The following FAM83G variants were observed in gnomAD, a reference collection of about 807,000 sequenced individuals.
FAM83G encodes scaffolding CK1 anchoring protein G.
In FAM83G, 38 loss-of-function variants were observed where a neutral mutation model predicts 61.5. The ratio of observed to expected loss-of-function variants is 0.62; its 90% CI spans 0.48 to 0.81. The LOEUF is 0.81. FAM83G is among the 30% of genes least tolerant of loss of function. FAM83G has a pLI of 0.00. For synonymous variants in FAM83G, 470 were observed against 476.1 expected (o/e 0.99, Z 0.17); for missense variants, 989 against 1,133.6 (o/e 0.87, Z 1.83).
chr17:18,992,051 C>T (rs898732970), intron 2 of FAM83G, among the ~76,000 whole-genome samples: 5 of 152,096 alleles, frequency 3.3e-5, no homozygotes, highest in African/African-American at 1.2e-4. Flanking sequence ...AGCGAGCCTG[C>T]GCCTGCCCCA....
chr17:18,983,939 G>A (rs561484472), intron 3 of FAM83G, among the ~76,000 whole-genome samples: 125 of 152,336 alleles, frequency 8.2e-4, no homozygotes, highest in African/African-American at 3.0e-3. Flanking sequence ...GTCCCCGGCA[G>A]TGTAGGATGT....
In FAM83G at chr17:18,978,397, G is replaced by T. The variant is rs746619261; in HGVS notation, c.1269C>A (p.Ser423Arg). The change falls in exon 5 of 6, where the codon AGC becomes AGA. Residue 423 changes from serine (S) to arginine (R), a missense_variant. Ser to Arg is a moderately radical substitution (Grantham distance 110). This residue lies in a region of FAM83G where 574 missense variants were observed against 645.1 expected (regional missense o/e 0.89). Coordinates refer to ENST00000388995, the MANE Select transcript of FAM83G (RefSeq NM_001039999.3). Reference protein sequence around the residue: ...TWVEPDPEPGSDILGYINIID... With the variant: ...TWVEPDPEPGRDILGYINIID... Reference sequence around the variant, plus strand: ...TGATATTGATGTAGCCCAGGATGTCGCTGCCAGGCTCCGGGTCTGGCTCCA... The same window carrying T: ...TGATATTGATGTAGCCCAGGATGTCTCTGCCAGGCTCCGGGTCTGGCTCCA... The T allele has an allele frequency of 6.9e-6, 11 of 1,590,048 alleles. No individual in the cohort carries two copies. In the East Asian group the frequency reaches 2.5e-4, roughly 36 times the overall value.
chr17:18,979,294 G>T (rs1046771386), intron 4 of FAM83G: 1 of 532,032 alleles, frequency 1.9e-6, no homozygotes, highest in Non-Finnish European at 3.3e-6. Context: ...CCATAGGCTT[G>T]CGAAGGCACG....
intron 2 of FAM83G, among the ~76,000 whole-genome samples, chr17:18,989,626 G>A (rs183565912): frequency 1.6e-4 from 25 of 152,338 alleles, no homozygotes; most frequent in Middle Eastern, 3.4e-3. Context: ...CCTGAATACC[G>A]CAGCACCTGC....
At chr17:18,981,294 G>A (rs1051705159) in intron 3 of FAM83G, among the ~76,000 whole-genome samples, 3 of 152,268 alleles carry the variant, frequency 2.0e-5, no homozygotes, top group Non-Finnish European at 4.4e-5. Flanking sequence ...AGGCATGAGA[G>A]GCCTTTGTAC....
Position 18,969,191 on chromosome 17 carries a change from G to T in FAM83G, c.*2168C>A, listed in dbSNP as rs548887367. ...CCTGCAGCAGGGAGGTCCACCCAGG[G>T]GACGTGTAAAGGGGTCAGAAGGCCA... On this transcript the variant is annotated 3_prime_UTR_variant, in exon 6 of 6. Transcript: ENST00000388995. 1 of 1,608,466 alleles carries T rather than the reference G, an allele frequency of 6.2e-7. No individual in the cohort carries two copies. The highest frequency in any genetic ancestry group is 8.5e-7 in the Non-Finnish European group (1 of 1,176,934).
chr17:18,989,611 G>A (rs1400748004), intron 2 of FAM83G, among the ~76,000 whole-genome samples: 1 of 152,244 alleles, frequency 6.6e-6, no homozygotes, highest in African/African-American at 2.4e-5. Flanking sequence ...GGAGAATGGA[G>A]CACACCTGAA....
intron 2 of FAM83G, among the ~76,000 whole-genome samples, chr17:18,997,824 G>C (rs1338903648): frequency 6.6e-6 from 1 of 152,234 alleles, no homozygotes; most frequent in African/African-American, 2.4e-5. Flanking sequence ...GGCGAGGGGA[G>C]AGATCTGGCA....
chr17:18,979,135 T>TG lies in FAM83G; in HGVS notation c.816-286dup, dbSNP rs2043064240. On this transcript the variant is annotated intron_variant, in intron 4 of 5. Coordinates refer to ENST00000388995, the MANE Select transcript of FAM83G (RefSeq NM_001039999.3). ...CAGCTCAGGAAGGCCCTGGACACTG[T>TG]GGGGGGTTCTGCATGTGGTGGCCGC... 9.6e-6 allele frequency: 5 copies of TG among 518,482 alleles called. No individual in the cohort carries two copies. In the Admixed American group the frequency reaches 1.6e-4, roughly 17 times the overall value. 32.1% of individuals were successfully genotyped at this position (518,482 alleles called of 1,614,324 possible).
chr17:18,979,004 T>C lies in FAM83G; in HGVS notation c.816-154A>G, dbSNP rs1210590640. The C allele has an allele frequency of 6.2e-6, 5 of 811,622 alleles. No individual in the cohort carries two copies. The African/African-American group carries it at 6.9e-5, about 11-fold the overall frequency. 50.3% of individuals were successfully genotyped at this position (811,622 alleles called of 1,614,324 possible). On this transcript the variant is annotated intron_variant, in intron 4 of 5. Transcript: ENST00000388995. ...CAGAGAGCAGGTGCATACTGTGGGG[T>C]CAGACTGAGTCGGATGTCAAGCAAG...
intron 3 of FAM83G, 139 bp from the exon 4 acceptor site, chr17:18,979,812 G>T: frequency 1.0e-6 from 1 of 955,300 alleles, no homozygotes. Context: ...AAGGCCTGGA[G>T]AAAGGGGCTG....
Position 18,982,016 on chromosome 17 carries a change from C to T in FAM83G, c.691-2343G>A, listed in dbSNP as rs574082874. 2.2e-3 allele frequency among the ~76,000 whole-genome samples: 336 copies of T among 152,342 alleles called. 4 individuals are homozygous for T. The highest frequency in any genetic ancestry group is 3.7e-3 in the Non-Finnish European group (249 of 68,012). Reference sequence around the variant, plus strand: ...CCCCTCCTTAGCCTGGAAAATCGGCCGCCAGCATCAGGACCCTTCTGGACA... The same window carrying T: ...CCCCTCCTTAGCCTGGAAAATCGGCTGCCAGCATCAGGACCCTTCTGGACA... On this transcript the variant is annotated intron_variant, in intron 3 of 5. Coordinates refer to ENST00000388995, the MANE Select transcript of FAM83G (RefSeq NM_001039999.3).
chr17:18,978,575 G>A lies in FAM83G; in HGVS notation c.1091C>T (p.Ser364Phe), dbSNP rs1320196691. Reference sequence around the variant, plus strand: ...CTTCTTGGCCTCCTGCTTCTCAGAGGAGATCTTGGCAATCTCGTCGACGCT... The same window carrying A: ...CTTCTTGGCCTCCTGCTTCTCAGAGAAGATCTTGGCAATCTCGTCGACGCT... ...AKSVDEIAKI[S>F]SEKQEAKKPL... The change falls in exon 5 of 6, where the codon TCC becomes TTC. Residue 364 changes from serine (S) to phenylalanine (F), a missense_variant. Transcript: ENST00000388995. The A allele has an allele frequency of 1.2e-6, 2 of 1,613,268 alleles. No homozygotes were observed. The highest frequency in any genetic ancestry group is 2.2e-5 in the South Asian group (2 of 91,076).
intron 3 of FAM83G, among the ~76,000 whole-genome samples, chr17:18,981,925 C>T (rs181793976): frequency 2.0e-5 from 3 of 152,328 alleles, no homozygotes; most frequent in Admixed American, 6.5e-5. Context: ...ACGAGGCCTT[C>T]CCTGTCACTG....
rs777843624 is a variant in FAM83G, at chr17:18,978,825, C to G, written c.841G>C (p.Asp281His). Residue 281 changes from aspartate to histidine, a missense_variant, in exon 5 of 6, where the codon GAC becomes CAC. Around this residue, in one of 3 missense-constraint regions of FAM83G, gnomAD observed 371 missense variants for 404.5 expected, o/e 0.92. Transcript: ENST00000388995. ...GACAGCACAGAGATCACATTCCGGT[C>G]CGTCCGCGCGGCCGACCACGTGAAG... Reference protein sequence around the residue: ...YSFTWSAARTDRNVISVLSGQ... With the variant: ...YSFTWSAARTHRNVISVLSGQ... 6.2e-7 allele frequency: 1 copy of G among 1,612,622 alleles called. No homozygotes were observed. The highest frequency in any genetic ancestry group is 1.1e-5 in the South Asian group (1 of 91,060).
At chr17:18,977,089 G>A in intron 5 of FAM83G, 5 of 1,523,606 alleles carry the variant, frequency 3.3e-6, no homozygotes, top group Non-Finnish European at 4.4e-6. Context: ...AAGGATAGAT[G>A]TGAACTGTTC....
At chr17:18,977,104 A>G in intron 5 of FAM83G, 7 of 1,396,478 alleles carry the variant, frequency 5.0e-6, no homozygotes, top group African/African-American at 1.4e-5. Context: ...CTGTTCCCCA[A>G]CCTGGGGAGT....
Position 18,971,827 on chromosome 17 carries a change from C to T in FAM83G, c.2083-79G>A. The T allele has an allele frequency of 6.8e-7, 1 of 1,460,470 alleles. No homozygotes were observed. Among genetic ancestry groups the T allele is most frequent in the Non-Finnish European group, 9.1e-7 (1 of 1,095,688 alleles). The allele number at this position is 1,460,470 out of a possible 1,614,324, so 90.5% of individuals were successfully genotyped here. Reference sequence around the variant, plus strand: ...CAGCACAGGACCCTGCTCAGGCACACAGGAGCCGGCAGGCCCGGGTTCGCC... The same window carrying T: ...CAGCACAGGACCCTGCTCAGGCACATAGGAGCCGGCAGGCCCGGGTTCGCC... On this transcript the variant is annotated intron_variant, in intron 5 of 5. Transcript: ENST00000388995. The surrounding 1 kb of genome is among the most constrained non-coding windows in gnomAD (Gnocchi z 5.5).
chr17:18,971,365 G>C lies in FAM83G; in HGVS notation c.2466C>G (p.Asp822Glu). The C allele has an allele frequency of 1.3e-6, 2 of 1,552,756 alleles. No homozygotes were observed. The highest frequency in any genetic ancestry group is 1.7e-6 in the Non-Finnish European group (2 of 1,156,062). The change falls in exon 6 of 6, where the codon GAC (aspartate) becomes GAG (glutamate). Residue 822 changes from aspartate (D) to glutamate (E), a missense_variant. Asp to Glu is a conservative substitution (Grantham distance 45, BLOSUM62 2). Coordinates refer to ENST00000388995, the MANE Select transcript of FAM83G (RefSeq NM_001039999.3). The surrounding 1 kb of genome is among the most constrained non-coding windows in gnomAD (Gnocchi z 5.5). ...TCCAGGCTGGGACATGCTGCTAGGG[G>C]TCTTTGCGGTCCCGGGGGGCTTGAG... Reference protein sequence around the residue: ...RRAQAPRDRKDP With the variant: ...RRAQAPRDRKEP
Sources: gnomAD v4.1 joint callset for allele counts (sites outside exome capture counted in the v4.1 genomes callset) on GRCh38, gnomAD v4.1.1 for gene constraint, gnomAD v4.1.1 regional missense constraint, Gnocchi (gnomAD v3.1) non-coding constraint, MANE v1.5 for transcripts, NCBI Gene and HGNC (gene_info 2026-07-23, HGNC 2026-07-21) for gene names.